PPP2R2B: variants seen among roughly 807,000 people sequenced by gnomAD.
PPP2R2B encodes the protein protein phosphatase 2 regulatory subunit Bbeta, also known as serine/threonine-protein phosphatase 2A 55 kDa regulatory subunit B beta isoform.
In PPP2R2B, 5 loss-of-function variants were observed where a neutral mutation model predicts 46.0. That is an observed-to-expected ratio of 0.11 (90% CI 0.06 to 0.23). The LOEUF is 0.23. Among genes scored for constraint, PPP2R2B ranks in the 10% least tolerant of loss-of-function variants. The probability of loss-of-function intolerance (pLI) is 1.00; values close to 1 mark genes in which losing one functional copy is unlikely to be tolerated. For synonymous variants in PPP2R2B, 215 were observed against 206.7 expected (o/e 1.04, Z -0.34); for missense variants, 367 against 575.0 (o/e 0.64, Z 3.70).
At chr5:146,644,562 C>T (rs1469330699) in intron 6 of PPP2R2B, among the ~76,000 whole-genome samples, 1 of 152,160 alleles carries the variant, frequency 6.6e-6, no homozygotes. Context: ...GGAACCTCAT[C>T]TCGATGGGTA....
intron 2 of PPP2R2B, among the ~76,000 whole-genome samples, chr5:146,797,797 G>C (rs1756632919): frequency 1.3e-5 from 2 of 152,034 alleles, no homozygotes; most frequent in Non-Finnish European, 2.9e-5. Context: ...ATGTTAATTG[G>C]GGCTCAGGAC....
rs1425571405 is a variant in PPP2R2B, at chr5:146,704,484, A to G, written c.71-3342T>C. 2.6e-5 allele frequency among the ~76,000 whole-genome samples: 4 copies of G among 152,394 alleles called. No homozygotes were observed. The East Asian group carries it at 7.7e-4, about 29-fold the overall frequency. On this transcript the variant is annotated intron_variant, in intron 2 of 9. Transcript: ENST00000394411. ...CTCAGCCTAATCATGCTGTTGATCA[A>G]GAAACTACAAACTTGAGCATTTTTC...
chr5:147,010,736 C>T (rs898967257), intron 1 of PPP2R2B, among the ~76,000 whole-genome samples: 11 of 152,110 alleles, frequency 7.2e-5, no homozygotes, highest in Non-Finnish European at 1.2e-4. Flanking sequence ...TAACAGGCCA[C>T]GGATCGGTAG....
intron 1 of PPP2R2B, among the ~76,000 whole-genome samples, chr5:146,976,388 C>G (rs750422959): frequency 6.6e-6 from 1 of 152,022 alleles, no homozygotes; most frequent in African/African-American, 2.4e-5. Flanking sequence ...CCACTCACCT[C>G]GGCCTCCCAA....
Position 146,859,496 on chromosome 5 carries a change from G to A in PPP2R2B, c.70+18506C>T, listed in dbSNP as rs1760859666. Among the ~76,000 whole-genome samples the A allele has an allele frequency of 1.3e-5, 2 of 152,168 alleles. 1 individual carries two copies. Among genetic ancestry groups the A allele is most frequent in the Admixed American group, 1.3e-4 (2 of 15,276 alleles). On this transcript the variant is annotated intron_variant, in intron 2 of 9. Transcript: ENST00000394411. Reference sequence around the variant, plus strand: ...TGATCAGTTGTTTTGATGGTTAAGAGGGAGTAAGATATTTATTACCTGGGT... The same window carrying A: ...TGATCAGTTGTTTTGATGGTTAAGAAGGAGTAAGATATTTATTACCTGGGT...
intron 1 of PPP2R2B, among the ~76,000 whole-genome samples, chr5:147,003,608 C>A (rs1226152189): frequency 6.6e-5 from 10 of 152,072 alleles, no homozygotes; most frequent in Admixed American, 6.6e-4. Flanking sequence ...GTCAAGTAAA[C>A]AATAGAATGA....
rs1761002829 is a variant in PPP2R2B, at chr5:146,861,542, T to C, written c.70+16460A>G. On this transcript the variant is annotated intron_variant, in intron 2 of 9. Transcript: ENST00000394411. Reference sequence around the variant, plus strand: ...AGGAAGAACTCAGGTGAATATTCGCTACATTAATTCCCAGAGACTAGTCAC... The same window carrying C: ...AGGAAGAACTCAGGTGAATATTCGCCACATTAATTCCCAGAGACTAGTCAC... Among the ~76,000 whole-genome samples the C allele has an allele frequency of 2.0e-5, 3 of 152,224 alleles. No homozygotes were observed. In the South Asian group the frequency reaches 6.2e-4, roughly 32 times the overall value.
At chr5:147,006,041 G>T (rs1037950261) in intron 1 of PPP2R2B, among the ~76,000 whole-genome samples, 1 of 152,132 alleles carries the variant, frequency 6.6e-6, no homozygotes, top group Non-Finnish European at 1.5e-5. Context: ...TAACCCAGCA[G>T]GTTTCCTAAC....
chr5:146,799,299 G>A (rs775570498), intron 2 of PPP2R2B, among the ~76,000 whole-genome samples: 3 of 152,328 alleles, frequency 2.0e-5, no homozygotes, highest in South Asian at 2.1e-4. Flanking sequence ...GAAAGAGAAT[G>A]AATATGAAAG....
chr5:147,021,640 A>C (rs1046538083), intron 1 of PPP2R2B, among the ~76,000 whole-genome samples: 3 of 152,208 alleles, frequency 2.0e-5, no homozygotes, highest in African/African-American at 7.2e-5. Flanking sequence ...GTGATAGCTA[A>C]TCTAGATTCA....
intron 2 of PPP2R2B, among the ~76,000 whole-genome samples, chr5:147,080,468 T>C (rs1757940164): frequency 6.6e-6 from 1 of 152,146 alleles, no homozygotes; most frequent in Admixed American, 6.6e-5. Flanking sequence ...GGGAGAGTCA[T>C]GGAGGTCTCC....
intron 1 of PPP2R2B, among the ~76,000 whole-genome samples, chr5:147,025,839 T>C (rs143311335): frequency 8.5e-5 from 13 of 152,148 alleles, no homozygotes; most frequent in African/African-American, 2.9e-4. Context: ...CATGACAAAA[T>C]GTTAGCATTT....
At chr5:146,756,522 T>A (rs967538611) in intron 2 of PPP2R2B, among the ~76,000 whole-genome samples, 1 of 152,250 alleles carries the variant, frequency 6.6e-6, no homozygotes, top group African/African-American at 2.4e-5. Context: ...GTGAATCTTT[T>A]CTGCAGGAAG....
intron 4 of PPP2R2B, 90 bp downstream of exon 4, chr5:146,697,889 C>T: frequency 3.8e-6 from 5 of 1,306,098 alleles, no homozygotes; most frequent in South Asian, 1.5e-5. Context: ...ACAGCCCACA[C>T]AGTTCAAAGG....
intron 2 of PPP2R2B, among the ~76,000 whole-genome samples, chr5:146,792,256 C>A (rs1756248048): frequency 6.6e-6 from 1 of 152,116 alleles, no homozygotes; most frequent in Non-Finnish European, 1.5e-5. Flanking sequence ...GATTTTTTAG[C>A]CTGTTTAACC....
At chr5:146,675,829 T>C (rs1468938566) in intron 5 of PPP2R2B, among the ~76,000 whole-genome samples, 12 of 151,866 alleles carry the variant, frequency 7.9e-5, no homozygotes, top group Admixed American at 6.6e-4. Flanking sequence ...CTTCTCTCTC[T>C]CTCTCTCTGG....
chr5:146,941,680 A>G (rs1271320307), intron 1 of PPP2R2B, among the ~76,000 whole-genome samples: 1 of 152,322 alleles, frequency 6.6e-6, no homozygotes, highest in East Asian at 1.9e-4. Context: ...AGAACAGTTA[A>G]TAGAGGAGTT....
chr5:146,616,795 A>G (rs1233845885), intron 7 of PPP2R2B: 2 of 152,256 alleles, frequency 1.3e-5, no homozygotes, highest in East Asian at 1.9e-4. Context: ...AAAAACCACT[A>G]TGAATAACAG....
chr5:146,608,276 T>C (rs2151031317), intron 7 of PPP2R2B, among the ~76,000 whole-genome samples: 1 of 152,312 alleles, frequency 6.6e-6, no homozygotes. Context: ...ATGAGATTTC[T>C]GCTTAAACTG....
Sources: allele counts gnomAD v4.1 joint callset (sites outside exome capture counted in the v4.1 genomes callset), GRCh38; gene constraint gnomAD v4.1.1; transcripts MANE v1.5; gene names NCBI Gene and HGNC (gene_info 2026-07-23, HGNC 2026-07-21).